The following CNTN3 variants were observed in gnomAD, a reference collection of about 807,000 sequenced individuals.
CNTN3 encodes contactin 3.
CNTN3 carries 60 observed loss-of-function variants against 119.1 expected under a neutral mutation model. The ratio of observed to expected loss-of-function variants is 0.50; its 90% confidence interval spans 0.41 to 0.62. CNTN3 has a LOEUF of 0.62. CNTN3 is among the 20% of genes least tolerant of loss of function. The pLI, the probability that CNTN3 is intolerant of heterozygous loss-of-function variation, is 0.00. For synonymous variants in CNTN3, 450 were observed against 438.7 expected (o/e 1.03, Z -0.32); for missense variants, 1,101 against 1,242.4 (o/e 0.89, Z 1.71).
chr3:74,436,831 A>C (rs369109391), intron 4 of CNTN3, among the ~76,000 whole-genome samples: 1 of 152,192 alleles, frequency 6.6e-6, no homozygotes, highest in Non-Finnish European at 1.5e-5. Flanking sequence ...TAAATAACTC[A>C]ATTGCAAAGT....
chr3:74,525,337 T>C (rs1264524739), intron 1 of CNTN3, among the ~76,000 whole-genome samples: 2 of 151,706 alleles, frequency 1.3e-5, no homozygotes, highest in African/African-American at 2.4e-5. Context: ...ATTCAGGAAG[T>C]TTTTTTTAAA....
chr3:74,295,118 T>C lies in CNTN3; in HGVS notation c.2517+3A>G, dbSNP rs768040835. The C allele has an allele frequency of 6.3e-7, 1 of 1,576,714 alleles. No individual in the cohort carries two copies. Among genetic ancestry groups the C allele is most frequent in the East Asian group, 2.2e-5 (1 of 44,582 alleles). On this transcript the variant is annotated splice_donor_region_variant and intron_variant, in intron 19 of 22. Transcript: ENST00000263665. Reference sequence around the variant, plus strand: ...TACACAATTTAATCGGAAAAGAAATTACCTCATAGCCCAGTAAATGTCCAT... The same window carrying C: ...TACACAATTTAATCGGAAAAGAAATCACCTCATAGCCCAGTAAATGTCCAT...
chr3:74,451,977 A>G (rs1702166123), intron 4 of CNTN3, among the ~76,000 whole-genome samples: 1 of 132,664 alleles, frequency 7.5e-6, no homozygotes, highest in South Asian at 2.3e-4. Flanking sequence ...CTTTTGGCTT[A>G]GGATTGACTT....
At chr3:74,323,992 CTT>C (rs1379689316) in intron 13 of CNTN3, among the ~76,000 whole-genome samples, 2 of 151,940 alleles carry the variant, frequency 1.3e-5, no homozygotes, top group African/African-American at 4.8e-5. Flanking sequence ...TACTGACTCT[CTT>C]AGAACTTTCA....
At chr3:74,352,210 C>T (rs1002069318) in intron 11 of CNTN3, among the ~76,000 whole-genome samples, 1 of 152,230 alleles carries the variant, frequency 6.6e-6, no homozygotes, top group South Asian at 2.1e-4. Flanking sequence ...GTAATCCTTT[C>T]TGTTTAGACA....
chr3:74,473,888 C>T (rs571601652), intron 4 of CNTN3, among the ~76,000 whole-genome samples: 43 of 152,216 alleles, frequency 2.8e-4, no homozygotes, highest in African/African-American at 4.3e-4. Context: ...AGATCACATA[C>T]GGGAACCAGG....
At position 74,313,009 on chromosome 3, in the gene CNTN3, G is replaced by A. The variant is rs74541995; in HGVS notation, c.1669-10202C>T. Among the ~76,000 whole-genome samples, 711 of 151,684 alleles carry A rather than the reference G, an allele frequency of 4.7e-3. 5 individuals are homozygous for A. Among genetic ancestry groups the A allele is most frequent in the African/African-American group, 0.016 (670 of 41,400 alleles). On this transcript the variant is annotated intron_variant, in intron 13 of 22. Transcript: ENST00000263665. ...AAGAACCAAAAACAAAAAAAAAAAG[G>A]TTAGAGATTGAAAACACTTTAACAG...
chr3:74,411,870 A>T (rs1398311841), intron 5 of CNTN3, among the ~76,000 whole-genome samples: 2 of 152,216 alleles, frequency 1.3e-5, no homozygotes, highest in African/African-American at 4.8e-5. Context: ...GGCAGGCTGT[A>T]TAAAAACCAA....
intron 1 of CNTN3, among the ~76,000 whole-genome samples, chr3:74,596,121 A>C (rs1263277099): frequency 1.3e-5 from 2 of 152,108 alleles, no homozygotes; most frequent in Admixed American, 6.6e-5. Context: ...TAGGAATCCA[A>C]CTTACAAGGG....
At position 74,263,952 on chromosome 3, in the gene CNTN3, T is replaced by C. The variant is rs1701621514; in HGVS notation, c.*449A>G. On this transcript the variant is annotated 3_prime_UTR_variant, in exon 23 of 23. Coordinates refer to ENST00000263665, the MANE Select transcript of CNTN3 (RefSeq NM_020872.3). ...CCAACAAAATAATTTTTAAAATGTA[T>C]TTTTCATCCTTGGGGACTTAAATCA... is the stretch of plus-strand genomic sequence containing the variant. 1 of 152,306 alleles carries C rather than the reference T, an allele frequency of 6.6e-6. No individual in the cohort carries two copies. The highest frequency in any genetic ancestry group is 2.4e-5 in the African/African-American group (1 of 41,452). 9.4% of individuals were successfully genotyped at this position (152,306 alleles called of 1,614,324 possible). A position where few individuals can be genotyped will look rare whatever the true frequency, so the allele number is the denominator to read the frequency against.
chr3:74,359,024 G>C (rs907348742), intron 11 of CNTN3, among the ~76,000 whole-genome samples: 1 of 151,864 alleles, frequency 6.6e-6, no homozygotes, highest in East Asian at 1.9e-4. Context: ...TGGACATTTG[G>C]GTTGTGTATT....
At chr3:74,317,305 T>C (rs1702857109) in intron 13 of CNTN3, among the ~76,000 whole-genome samples, 1 of 151,326 alleles carries the variant, frequency 6.6e-6, no homozygotes, top group Non-Finnish European at 1.5e-5. Flanking sequence ...TGCCAGTCTG[T>C]GTCTTTTAAT....
rs779594990 is a variant in CNTN3, at chr3:74,266,617, T to A, written c.2850A>T (p.Val950=). The change falls in exon 22 of 23, where the codon GTA becomes GTT. Residue 950 remains valine, a synonymous_variant. Coordinates refer to ENST00000263665, the MANE Select transcript of CNTN3 (RefSeq NM_020872.3). ...VFYRTSSQNN[V]QVLNTNKTSA... is the part of the protein sequence containing the mutation. ...AAGTTTTATTTGTGTTCAGTACTTG[T>A]ACGTTATTTTGACTGCTAGTCCTAT... 6 of 1,613,422 alleles carry A rather than the reference T, an allele frequency of 3.7e-6. No individual in the cohort carries two copies. The highest frequency in any genetic ancestry group is 5.1e-6 in the Non-Finnish European group (6 of 1,179,500).
At chr3:74,487,149 A>C (rs930306583) in intron 3 of CNTN3, among the ~76,000 whole-genome samples, 2 of 152,172 alleles carry the variant, frequency 1.3e-5, no homozygotes, top group African/African-American at 4.8e-5. Context: ...TTACAGTGCT[A>C]TTTACAAAAT....
intron 5 of CNTN3, among the ~76,000 whole-genome samples, chr3:74,394,086 T>C (rs996452226): frequency 6.6e-6 from 1 of 152,180 alleles, no homozygotes; most frequent in Non-Finnish European, 1.5e-5. Context: ...AATAAACTTA[T>C]CTAATTAGAG....
At chr3:74,342,672 G>A (rs528290503) in intron 11 of CNTN3, among the ~76,000 whole-genome samples, 1 of 152,192 alleles carries the variant, frequency 6.6e-6, no homozygotes, top group African/African-American at 2.4e-5. Context: ...TCTATAAAAT[G>A]TTGCTAAACG....
chr3:74,464,750 G>T (rs1702432034), intron 4 of CNTN3, among the ~76,000 whole-genome samples: 2 of 152,136 alleles, frequency 1.3e-5, no homozygotes, highest in Non-Finnish European at 2.9e-5. Context: ...ATCTATTGCA[G>T]AAAATCAGTC....
At chr3:74,540,332 G>A (rs6795660) in intron 1 of CNTN3, among the ~76,000 whole-genome samples, 150,611 of 152,214 alleles carry the variant, frequency 0.99, 74,523 homozygotes, top group Middle Eastern at 1. Context: ...AGTGCTTAAC[G>A]GTTAATATTT....
At chr3:74,442,872 G>A (rs1376287188) in intron 4 of CNTN3, among the ~76,000 whole-genome samples, 1 of 152,094 alleles carries the variant, frequency 6.6e-6, no homozygotes, top group Non-Finnish European at 1.5e-5. Context: ...ATCACATCAG[G>A]TGACTTGTCC....
Sources: allele counts gnomAD v4.1 joint callset (sites outside exome capture counted in the v4.1 genomes callset), GRCh38; gene constraint gnomAD v4.1.1; transcripts MANE v1.5; gene names NCBI Gene and HGNC (gene_info 2026-07-23, HGNC 2026-07-21).